Variants in RERE observed in about 807,000 individuals in gnomAD.
The protein encoded by RERE is arginine-glutamic acid dipeptide repeats protein.
In RERE, 40 loss-of-function variants were observed where a neutral mutation model predicts 146.1. The ratio of observed to expected loss-of-function variants is 0.27; its 90% CI spans 0.21 to 0.36. The LOEUF is 0.36. Among genes scored for constraint, RERE ranks in the 10% least tolerant of loss-of-function variants. The pLI, the probability that RERE is intolerant of heterozygous loss-of-function variation, is 1.00. For missense variants in RERE, 1,933 were observed against 2,138.7 expected, an observed-to-expected ratio of 0.90 and a Z score of 1.90; for synonymous variants, 1,003 against 866.0, an observed-to-expected ratio of 1.16 and a Z score of -2.78.
chr1:8,810,583 G>C (rs565215181), intron 1 of RERE, among the ~76,000 whole-genome samples: 14 of 152,148 alleles, frequency 9.2e-5, no homozygotes, highest in Admixed American at 5.9e-4. Context: ...CTCCAACCTG[G>C]ATGACAGAGC....
chr1:8,777,156 A>C (rs1028428191), intron 1 of RERE, among the ~76,000 whole-genome samples: 2 of 152,236 alleles, frequency 1.3e-5, no homozygotes, highest in African/African-American at 4.8e-5. Context: ...AACACGAAAG[A>C]AAGTTATCAA....
intron 11 of RERE, among the ~76,000 whole-genome samples, chr1:8,447,081 C>A (rs184928790): frequency 6.6e-6 from 1 of 150,938 alleles, no homozygotes; most frequent in Non-Finnish European, 1.5e-5. Flanking sequence ...TTGATCAATT[C>A]GGCTATTGAT....
At chr1:8,726,977 T>C (rs1639982233) in intron 1 of RERE, among the ~76,000 whole-genome samples, 1 of 151,708 alleles carries the variant, frequency 6.6e-6, no homozygotes, top group Non-Finnish European at 1.5e-5. Flanking sequence ...AGCTCATTTT[T>C]GTACTCTTAG....
chr1:8,454,581 T>G (rs1570266958), intron 11 of RERE, among the ~76,000 whole-genome samples: 1 of 150,582 alleles, frequency 6.6e-6, no homozygotes, highest in African/African-American at 2.4e-5. Context: ...CCGAGGCAGG[T>G]GGATCACAAG....
intron 12 of RERE, among the ~76,000 whole-genome samples, chr1:8,415,984 C>A (rs1643747346): frequency 6.6e-6 from 1 of 152,238 alleles, no homozygotes; most frequent in Admixed American, 6.5e-5. Context: ...TCTTACCCAT[C>A]TTGCCAGCCC....
intron 4 of RERE, among the ~76,000 whole-genome samples, chr1:8,595,607 A>G (rs542708720): frequency 6.6e-6 from 1 of 152,168 alleles, no homozygotes; most frequent in African/African-American, 2.4e-5. Context: ...ACAAACTGCC[A>G]AAGAAAAAAG....
chr1:8,760,919 C>T (rs1418253550), intron 1 of RERE, among the ~76,000 whole-genome samples: 1 of 152,138 alleles, frequency 6.6e-6, no homozygotes, highest in Non-Finnish European at 1.5e-5. Flanking sequence ...TATTTTCATA[C>T]ATTATCCCAC....
At chr1:8,766,349 G>A (rs1640844589) in intron 1 of RERE, among the ~76,000 whole-genome samples, 1 of 152,008 alleles carries the variant, frequency 6.6e-6, no homozygotes, top group African/African-American at 2.4e-5. Context: ...AGACCAGCCT[G>A]GCCAACATGG....
At chr1:8,385,868 CTG>C (rs1642620528) in intron 12 of RERE, among the ~76,000 whole-genome samples, 1 of 146,562 alleles carries the variant, frequency 6.8e-6, no homozygotes, top group Non-Finnish European at 1.5e-5. Context: ...ACTCGGGAGA[CTG>C]AGGCAGGAGA....
intron 2 of RERE, among the ~76,000 whole-genome samples, chr1:8,654,981 A>G (rs1638237475): frequency 6.6e-6 from 1 of 152,156 alleles, no homozygotes; most frequent in Non-Finnish European, 1.5e-5. Context: ...AGGCTTTGCT[A>G]GTGTTCAACA....
intron 1 of RERE, among the ~76,000 whole-genome samples, chr1:8,728,291 C>T (rs1345409318): frequency 4.6e-5 from 7 of 152,196 alleles, no homozygotes; most frequent in African/African-American, 1.4e-4. Flanking sequence ...TCCATAGGCA[C>T]CTATAACACA....
intron 1 of RERE, among the ~76,000 whole-genome samples, chr1:8,665,727 C>G (rs1020642136): frequency 6.6e-6 from 1 of 152,190 alleles, no homozygotes; most frequent in Middle Eastern, 3.4e-3. Context: ...AATAAAGCAG[C>G]CAACACTCAC....
At chr1:8,693,616 C>T (rs371459902) in intron 1 of RERE, among the ~76,000 whole-genome samples, 1 of 151,982 alleles carries the variant, frequency 6.6e-6, no homozygotes, top group South Asian at 2.1e-4. Flanking sequence ...ATAGGGAGAA[C>T]ATAGGGCATG....
Position 8,361,110 on chromosome 1 carries a change from G to A in RERE, c.2397C>T (p.His799=). The change falls in exon 18 of 23, where the codon CAC becomes CAT. Residue 799 remains histidine, a synonymous_variant. Coordinates refer to ENST00000400908, the MANE Select transcript of RERE (RefSeq NM_001042681.2). ...GGTGCAAGGCCGGTGCCTGTTGGAT[G>A]TGGGTGTGGGGAACAGGCGCTGTGG... The part of the protein sequence containing the change: ...QAPTAPVPHT[H]IQQAPALHPQ... The A allele has an allele frequency of 6.9e-7, 1 of 1,441,942 alleles. No homozygotes were observed. The highest frequency in any genetic ancestry group is 9.1e-7 in the Non-Finnish European group (1 of 1,101,956). The allele number at this position is 1,441,942 out of a possible 1,614,324, so 89.3% of individuals were successfully genotyped here.
chr1:8,614,695 G>C lies in RERE; in HGVS notation c.397-9C>G. The C allele has an allele frequency of 6.2e-7, 1 of 1,605,490 alleles. No individual in the cohort carries two copies. The highest frequency in any genetic ancestry group is 1.7e-4 in the Middle Eastern group (1 of 5,812). The stretch of plus-strand genomic sequence containing the variant: ...GCCTGGGAGTTGTGGACCTAAAAAA[G>C]AAAACAGTTTTAAGTTAACGTGCCC... On this transcript the variant is annotated splice_polypyrimidine_tract_variant and intron_variant, in intron 3 of 22. Coordinates refer to ENST00000400908, the MANE Select transcript of RERE (RefSeq NM_001042681.2).
chr1:8,469,053 T>G (rs999643960), intron 10 of RERE, among the ~76,000 whole-genome samples: 12 of 152,116 alleles, frequency 7.9e-5, no homozygotes, highest in Non-Finnish European at 1.6e-4. Flanking sequence ...TGCCTTAATT[T>G]TGACATCTTT....
At chr1:8,355,173 C>T in intron 22 of RERE, 53 bp from the exon 23 acceptor site, 1 of 1,595,056 alleles carries the variant, frequency 6.3e-7, no homozygotes, top group Non-Finnish European at 8.6e-7. Flanking sequence ...GGCAGGCAGT[C>T]ACGCAGGCTG....
intron 1 of RERE, among the ~76,000 whole-genome samples, chr1:8,732,669 A>G (rs941086854): frequency 6.6e-6 from 1 of 152,182 alleles, no homozygotes; most frequent in Non-Finnish European, 1.5e-5. Context: ...AGTTAATAAT[A>G]TATTAATACT....
intron 11 of RERE, among the ~76,000 whole-genome samples, chr1:8,446,667 C>A: frequency 6.6e-6 from 1 of 152,174 alleles, no homozygotes; most frequent in African/African-American, 2.4e-5. Context: ...TTCTTGGAGG[C>A]TTTGTTCATT....
Sources: allele counts gnomAD v4.1 joint callset (sites outside exome capture counted in the v4.1 genomes callset), GRCh38; gene constraint gnomAD v4.1.1; transcripts MANE v1.5; gene names NCBI Gene and HGNC (gene_info 2026-07-23, HGNC 2026-07-21).